The following CACNA1D variants were observed in gnomAD, a reference collection of about 807,000 sequenced individuals.
CACNA1D encodes the protein calcium voltage-gated channel subunit alpha1 D, also known as voltage-dependent L-type calcium channel subunit alpha-1D.
In CACNA1D, 55 loss-of-function variants were observed where a neutral mutation model predicts 257.1. The observed-to-expected ratio is 0.21, with a 90% CI of 0.17 to 0.27. The LOEUF is 0.27. Ranked by LOEUF, CACNA1D falls within the 10% of genes least tolerant of loss-of-function variation. CACNA1D has a pLI of 1.00. For missense variants in CACNA1D, 1,876 were observed against 2,784.0 expected, an observed-to-expected ratio of 0.67 and a Z score of 7.34; for synonymous variants, 980 against 1,014.9, an observed-to-expected ratio of 0.97 and a Z score of 0.65.
intron 9 of CACNA1D, among the ~76,000 whole-genome samples, chr3:53,715,972 TA>T (rs938695420): frequency 1.3e-5 from 2 of 152,200 alleles, no homozygotes; most frequent in African/African-American, 4.8e-5. Flanking sequence ...AGAAAATATG[TA>T]ATTTATCTGT....
intron 3 of CACNA1D, among the ~76,000 whole-genome samples, chr3:53,540,042 C>G (rs2092253387): frequency 6.8e-6 from 1 of 147,976 alleles, no homozygotes; most frequent in African/African-American, 2.5e-5. Flanking sequence ...TCTGGCTTAT[C>G]TTCACTTTCT....
At chr3:53,755,203 C>T (rs763024915) in intron 29 of CACNA1D, among the ~76,000 whole-genome samples, 23 of 152,242 alleles carry the variant, frequency 1.5e-4, no homozygotes, top group Non-Finnish European at 3.2e-4. Context: ...CATGGAACCT[C>T]TCTGTGGAAC....
At chr3:53,583,662 A>G (rs1213721065) in intron 3 of CACNA1D, among the ~76,000 whole-genome samples, 1 of 152,122 alleles carries the variant, frequency 6.6e-6, no homozygotes, top group Non-Finnish European at 1.5e-5. Flanking sequence ...TCTGCACTCT[A>G]TTTATAATCA....
At chr3:53,608,683 G>A (rs2093544533) in intron 3 of CACNA1D, among the ~76,000 whole-genome samples, 1 of 152,146 alleles carries the variant, frequency 6.6e-6, no homozygotes, top group Non-Finnish European at 1.5e-5. Flanking sequence ...CTTTTACCAT[G>A]AGTAGTTATG....
At chr3:53,710,652 A>T (rs568572273) in intron 9 of CACNA1D, among the ~76,000 whole-genome samples, 285 of 152,324 alleles carry the variant, frequency 1.9e-3, no homozygotes, top group Non-Finnish European at 3.5e-3. Context: ...CCTTACCAAG[A>T]TAGCATTGCA....
rs952031634 is a variant in CACNA1D at position 53,495,323 on chromosome 3, G to A, written c.67+90G>A. 8.0e-6 allele frequency: 12 copies of A among 1,509,130 alleles called. No individual in the cohort carries two copies. Among genetic ancestry groups the A allele is most frequent in the Non-Finnish European group, 1.1e-5 (12 of 1,087,552 alleles). The allele number at this position is 1,509,130 out of a possible 1,614,324, so 93.5% of individuals were successfully genotyped here. On this transcript the variant is annotated intron_variant, in intron 1 of 47. Transcript: ENST00000350061. This position sits in a 1 kb window ranked among gnomAD's most constrained non-coding sequence, Gnocchi z 5.1. ...CCCCCTTCCCCGCGGCGCTGGATGG[G>A]TTGAGGGGGTTGGAGAGGGTGCTGC...
chr3:53,735,322 G>A, intron 19 of CACNA1D, 52 bp from the exon 20 acceptor site: 1 of 1,586,490 alleles, frequency 6.3e-7, no homozygotes, highest in Non-Finnish European at 8.7e-7. Flanking sequence ...TAAGGACCCA[G>A]TGTGTTCCAC....
intron 8 of CACNA1D, among the ~76,000 whole-genome samples, chr3:53,684,867 A>G (rs1053068827): frequency 6.6e-6 from 1 of 152,120 alleles, no homozygotes; most frequent in Non-Finnish European, 1.5e-5. Flanking sequence ...GAACTTAAGG[A>G]TGCATATGAT....
chr3:53,791,922 T>G (rs1452163914), intron 40 of CACNA1D: 8 of 152,300 alleles, frequency 5.3e-5, no homozygotes, highest in South Asian at 2.1e-4. Context: ...ACACTTAACC[T>G]CTCTGTGCCT....
intron 8 of CACNA1D, among the ~76,000 whole-genome samples, chr3:53,684,369 C>T (rs6765728): frequency 0.13 from 19,397 of 152,186 alleles, 1,948 homozygotes; most frequent in East Asian, 0.41. Flanking sequence ...CACCTCTAAT[C>T]CCAGCACTTT....
intron 3 of CACNA1D, among the ~76,000 whole-genome samples, chr3:53,515,621 A>G (rs546038759): frequency 4.1e-4 from 62 of 152,302 alleles, no homozygotes; most frequent in African/African-American, 1.5e-3. Context: ...TCCTCGTGTC[A>G]TGGAGTCCTC....
chr3:53,678,482 T>C (rs936634789), intron 8 of CACNA1D, among the ~76,000 whole-genome samples: 1 of 152,234 alleles, frequency 6.6e-6, no homozygotes, highest in African/African-American at 2.4e-5. Flanking sequence ...TTTAAATCAA[T>C]CCAATTTTGT....
chr3:53,624,649 G>A (rs1442385909), intron 3 of CACNA1D, among the ~76,000 whole-genome samples: 1 of 152,212 alleles, frequency 6.6e-6, no homozygotes, highest in Non-Finnish European at 1.5e-5. Context: ...GCACTCTGCT[G>A]TATCCCAAGA....
chr3:53,728,825 C>T (rs770245781), intron 15 of CACNA1D, among the ~76,000 whole-genome samples: 18 of 152,310 alleles, frequency 1.2e-4, no homozygotes, highest in Non-Finnish European at 2.1e-4. Context: ...CAGTGCCTGA[C>T]ACATTGGAGG....
chr3:53,547,665 G>A (rs563157442), intron 3 of CACNA1D, among the ~76,000 whole-genome samples: 2 of 152,140 alleles, frequency 1.3e-5, no homozygotes, highest in Non-Finnish European at 2.9e-5. Flanking sequence ...AAGTTTCTCC[G>A]AGGAGGCACA....
intron 39 of CACNA1D, 79 bp from the exon 40 acceptor site, chr3:53,786,742 TG>T: frequency 3.8e-6 from 1 of 260,500 alleles, no homozygotes; most frequent in Non-Finnish European, 7.2e-6. Context: ...CCCCTGCCCC[TG>T]CCCCAGCCAG....
intron 3 of CACNA1D, among the ~76,000 whole-genome samples, chr3:53,535,981 T>C (rs2092103781): frequency 6.6e-6 from 1 of 152,154 alleles, no homozygotes. Flanking sequence ...ATGTGTTCAG[T>C]AGATATTAGT....
chr3:53,781,679 C>G lies in CACNA1D; in HGVS notation c.4792+12C>G. On this transcript the variant is annotated intron_variant, in intron 39 of 47. Transcript: ENST00000350061. ...CCCTCCAGCTGGTGGTCAGTGCAGT[C>G]TATTTCCTAAGTAGTCCTTGGCCAG... 6.4e-7 allele frequency: 1 copy of G among 1,562,438 alleles called. No homozygotes were observed. The highest frequency in any genetic ancestry group is 1.7e-4 in the Middle Eastern group (1 of 5,974).
intron 3 of CACNA1D, among the ~76,000 whole-genome samples, chr3:53,637,108 G>T (rs890722349): frequency 2.6e-5 from 4 of 151,886 alleles, no homozygotes; most frequent in Non-Finnish European, 5.9e-5. Flanking sequence ...TAAAGTAAAA[G>T]ATGCTCAATG....
Sources: allele counts gnomAD v4.1 joint callset (sites outside exome capture counted in the v4.1 genomes callset), GRCh38; gene constraint gnomAD v4.1.1; non-coding constraint Gnocchi (gnomAD v3.1); transcripts MANE v1.5; gene names NCBI Gene and HGNC (gene_info 2026-07-23, HGNC 2026-07-21).